The following PDLIM5 variants were observed in gnomAD, a reference collection of about 807,000 sequenced individuals.
PDLIM5 encodes the protein PDZ and LIM domain protein 5.
A neutral mutation model predicts 64.2 loss-of-function variants in PDLIM5; 34 were observed. That is an observed-to-expected ratio of 0.53 (90% CI 0.40 to 0.71). PDLIM5 has a LOEUF of 0.71. Ranked by LOEUF, PDLIM5 falls within the 30% of genes least tolerant of loss-of-function variation. PDLIM5 has a pLI of 0.00. For synonymous variants in PDLIM5, 253 were observed against 269.1 expected (o/e 0.94, Z 0.59); for missense variants, 683 against 733.6 (o/e 0.93, Z 0.80).
intron 7 of PDLIM5, chr4:94,608,147 A>C: frequency 6.5e-7 from 1 of 1,531,600 alleles, no homozygotes. Context: ...CCAAGTGGCC[A>C]CACTTTCTAA....
intron 8 of PDLIM5, among the ~76,000 whole-genome samples, chr4:94,636,495 G>T (rs1227381248): frequency 6.7e-6 from 1 of 148,950 alleles, no homozygotes; most frequent in Non-Finnish European, 1.5e-5. Context: ...TATTTGTAAG[G>T]TAATTTTTTG....
chr4:94,643,979 GC>G (rs1199205143), intron 9 of PDLIM5, among the ~76,000 whole-genome samples: 2 of 152,004 alleles, frequency 1.3e-5, no homozygotes, highest in African/African-American at 4.8e-5. Context: ...TGTATTATTA[GC>G]CCTTGTATTT....
intron 3 of PDLIM5, among the ~76,000 whole-genome samples, chr4:94,561,433 C>G (rs1733834326): frequency 6.6e-6 from 1 of 152,152 alleles, no homozygotes; most frequent in Admixed American, 6.5e-5. Flanking sequence ...CAAAATAGTT[C>G]TGGGAGAAAC....
At chr4:94,647,755 G>A (rs1448691110) in intron 9 of PDLIM5, among the ~76,000 whole-genome samples, 1 of 152,140 alleles carries the variant, frequency 6.6e-6, no homozygotes, top group Non-Finnish European at 1.5e-5. Flanking sequence ...TAGACCATAT[G>A]TTAAGTCATA....
chr4:94,455,480 T>A (rs376798289), intron 2 of PDLIM5, 96 bp downstream of exon 2: 11 of 808,838 alleles, frequency 1.4e-5, no homozygotes, highest in South Asian at 1.2e-4. Context: ...ACTCTACTTA[T>A]TATCATTGCT....
intron 9 of PDLIM5, among the ~76,000 whole-genome samples, chr4:94,646,084 T>A (rs911818379): frequency 1.3e-5 from 2 of 152,274 alleles, no homozygotes; most frequent in East Asian, 3.9e-4. Context: ...CGTTGAGTAT[T>A]TTGTGTGCCG....
chr4:94,561,224 T>C (rs6812098), intron 3 of PDLIM5, among the ~76,000 whole-genome samples: 35,658 of 152,062 alleles, frequency 0.23, 5,726 homozygotes, highest in African/African-American at 0.46. Flanking sequence ...ACAGGCTGTG[T>C]GATAGTGGTA....
In PDLIM5 at chr4:94,665,877, T is replaced by G; in HGVS notation, c.*1810T>G. On this transcript the variant is annotated 3_prime_UTR_variant, in exon 13 of 13. Coordinates refer to ENST00000317968, the MANE Select transcript of PDLIM5 (RefSeq NM_006457.5). ...AGTTTAATTACTCAGATTGGCCTGT[T>G]ATTTGATTTCCTCCTTTGGGAAAAG... is the stretch of plus-strand genomic sequence containing the variant. The G allele has an allele frequency of 7.1e-7, 1 of 1,417,902 alleles. No individual in the cohort carries two copies. The highest frequency in any genetic ancestry group is 9.1e-7 in the Non-Finnish European group (1 of 1,092,938). 87.8% of individuals were successfully genotyped at this position (1,417,902 alleles called of 1,614,324 possible).
At chr4:94,475,803 G>C (rs2057523937) in intron 2 of PDLIM5, among the ~76,000 whole-genome samples, 1 of 152,116 alleles carries the variant, frequency 6.6e-6, no homozygotes, top group Non-Finnish European at 1.5e-5. Context: ...TATTTACCTG[G>C]AGTTTTACAA....
At chr4:94,581,455 T>G (rs1244819539) in intron 5 of PDLIM5, among the ~76,000 whole-genome samples, 1 of 152,244 alleles carries the variant, frequency 6.6e-6, no homozygotes, top group Admixed American at 6.5e-5. Flanking sequence ...CAAAACTATT[T>G]CCCTGCTACT....
chr4:94,662,579 GCC>G (rs1742822634), intron 12 of PDLIM5, 42 bp downstream of exon 12: 2 of 815,172 alleles, frequency 2.5e-6, no homozygotes, highest in Non-Finnish European at 4.2e-6. Flanking sequence ...GTATAGTATG[GCC>G]AATTCTAGCT....
At chr4:94,542,323 TA>T (rs1192986812) in intron 3 of PDLIM5, among the ~76,000 whole-genome samples, 2 of 151,264 alleles carry the variant, frequency 1.3e-5, no homozygotes, top group East Asian at 1.9e-4. Flanking sequence ...AATAAATAAA[TA>T]AATAAATAAA....
At chr4:94,631,786 T>C (rs1204865245) in intron 8 of PDLIM5, among the ~76,000 whole-genome samples, 3 of 152,194 alleles carry the variant, frequency 2.0e-5, no homozygotes, top group Non-Finnish European at 4.4e-5. Context: ...ACTCTTCTGG[T>C]TTTTCTCCTG....
intron 2 of PDLIM5, among the ~76,000 whole-genome samples, chr4:94,500,026 G>A (rs1315033370): frequency 6.6e-6 from 1 of 152,166 alleles, no homozygotes; most frequent in Non-Finnish European, 1.5e-5. Context: ...CTGATTAAGG[G>A]ACTTGAGCAC....
chr4:94,466,591 A>G (rs1384570467), intron 2 of PDLIM5, among the ~76,000 whole-genome samples: 1 of 152,192 alleles, frequency 6.6e-6, no homozygotes, highest in Non-Finnish European at 1.5e-5. Flanking sequence ...ATTTTATTAT[A>G]GAGCTTTTGT....
Position 94,496,470 on chromosome 4 carries a change from G to A in PDLIM5, c.97-27254G>A, listed in dbSNP as rs576122228. ...TATCTGGGTGAACAGTTTGCCAGAT[G>A]CACACTTTATTTATTTATTTGTTTA... On this transcript the variant is annotated intron_variant, in intron 2 of 12. Coordinates refer to ENST00000317968, the MANE Select transcript of PDLIM5 (RefSeq NM_006457.5). Among the ~76,000 whole-genome samples, 8 of 152,194 alleles carry A rather than the reference G, an allele frequency of 5.3e-5. No homozygotes were observed. The East Asian group carries it at 1.5e-3, about 29-fold the overall frequency.
intron 7 of PDLIM5, among the ~76,000 whole-genome samples, chr4:94,597,943 A>G (rs1737196621): frequency 6.6e-6 from 1 of 152,176 alleles, no homozygotes; most frequent in South Asian, 2.1e-4. Flanking sequence ...ATCACATCCA[A>G]CTTAACACAT....
At chr4:94,609,167 A>G (rs926517138) in intron 7 of PDLIM5, among the ~76,000 whole-genome samples, 4 of 152,170 alleles carry the variant, frequency 2.6e-5, no homozygotes, top group Admixed American at 2.0e-4. Context: ...CACATTAACC[A>G]GAGGTCGAGT....
chr4:94,537,743 A>T (rs1427137728), intron 3 of PDLIM5, among the ~76,000 whole-genome samples: 2 of 152,344 alleles, frequency 1.3e-5, no homozygotes, highest in Non-Finnish European at 2.9e-5. Context: ...AGATATTATC[A>T]TCCTACTTTA....
Sources: allele counts gnomAD v4.1 joint callset (sites outside exome capture counted in the v4.1 genomes callset), GRCh38; gene constraint gnomAD v4.1.1; transcripts MANE v1.5; gene names NCBI Gene and HGNC (gene_info 2026-07-23, HGNC 2026-07-21).